The following CSMD3 variants were observed in gnomAD, a reference collection of about 807,000 sequenced individuals.
CSMD3 encodes the protein CUB and Sushi multiple domains 3.
In CSMD3, 177 loss-of-function variants were observed where a neutral mutation model predicts 435.2. The ratio of observed to expected loss-of-function variants is 0.41; its 90% CI spans 0.36 to 0.46. The LOEUF (loss-of-function observed/expected upper bound fraction) is 0.46. CSMD3 is among the 20% of genes least tolerant of loss of function. CSMD3 has a pLI of 0.34. For synonymous variants in CSMD3, 1,656 were observed against 1,520.5 expected, an observed-to-expected ratio of 1.09 and a Z score of -2.07; for missense variants, 4,265 against 4,504.6, an observed-to-expected ratio of 0.95 and a Z score of 1.52.
At chr8:113,144,183 A>T (rs2091617313) in intron 4 of CSMD3, among the ~76,000 whole-genome samples, 1 of 151,244 alleles carries the variant, frequency 6.6e-6, no homozygotes, top group South Asian at 2.1e-4. Flanking sequence ...ACATTTTTGT[A>T]TATTATGAGA....
chr8:113,297,445 A>G (rs2093731085), intron 2 of CSMD3, among the ~76,000 whole-genome samples: 1 of 149,668 alleles, frequency 6.7e-6, no homozygotes, highest in Non-Finnish European at 1.5e-5. Context: ...AATATGAAAA[A>G]TTTACCTAAC....
intron 13 of CSMD3, among the ~76,000 whole-genome samples, chr8:112,778,000 A>C (rs1428967924): frequency 6.6e-6 from 1 of 151,922 alleles, no homozygotes; most frequent in Non-Finnish European, 1.5e-5. Context: ...ACATTTTATA[A>C]ATATTTGTGG....
rs184418365 is a variant in CSMD3, at chr8:113,064,002, T to C, written c.917+34754A>G. On this transcript the variant is annotated intron_variant, in intron 5 of 70. Transcript: ENST00000297405. The stretch of plus-strand genomic sequence containing the variant: ...AATGAATTTTAGGAAAACCTTTTAG[T>C]ATATTAATAATAGTCCTTTAATAAT... Among the ~76,000 whole-genome samples the C allele has an allele frequency of 9.1e-4, 138 of 151,668 alleles. 1 individual carries two copies. Among genetic ancestry groups the C allele is most frequent in the Non-Finnish European group, 4.0e-4 (27 of 67,736 alleles).
chr8:112,605,118 G>A (rs1365831279), intron 22 of CSMD3, among the ~76,000 whole-genome samples: 2 of 152,006 alleles, frequency 1.3e-5, no homozygotes, highest in African/African-American at 4.8e-5. Flanking sequence ...ATTAATAAAA[G>A]TCAAAAAATA....
chr8:113,018,118 T>TG (rs1765013559), intron 6 of CSMD3, among the ~76,000 whole-genome samples: 1 of 152,114 alleles, frequency 6.6e-6, no homozygotes, highest in African/African-American at 2.4e-5. Flanking sequence ...CTCAGTGCAC[T>TG]ATTACGAAAG....
At chr8:112,972,940 T>G (rs1427502862) in intron 7 of CSMD3, among the ~76,000 whole-genome samples, 1 of 151,932 alleles carries the variant, frequency 6.6e-6, no homozygotes, top group Non-Finnish European at 1.5e-5. Flanking sequence ...AGCTAAATCT[T>G]GGAAATTAGA....
intron 32 of CSMD3, among the ~76,000 whole-genome samples, chr8:112,444,169 A>T (rs1012485121): frequency 6.6e-6 from 1 of 152,218 alleles, no homozygotes; most frequent in Non-Finnish European, 1.5e-5. Flanking sequence ...GACAGGTAAC[A>T]TCTGGTTTAC....
chr8:113,404,417 A>G (rs2094523562), intron 1 of CSMD3, among the ~76,000 whole-genome samples: 1 of 151,368 alleles, frequency 6.6e-6, no homozygotes, highest in African/African-American at 2.4e-5. Flanking sequence ...TTACAAGAGA[A>G]TTCGACTTTA....
At chr8:112,833,437 T>C (rs992390687) in intron 11 of CSMD3, among the ~76,000 whole-genome samples, 1 of 152,098 alleles carries the variant, frequency 6.6e-6, no homozygotes, top group Non-Finnish European at 1.5e-5. Context: ...ATTTATTTTT[T>C]GTTTATTGAT....
intron 32 of CSMD3, among the ~76,000 whole-genome samples, chr8:112,449,021 C>T (rs533828672): frequency 7.2e-5 from 11 of 152,172 alleles, no homozygotes; most frequent in African/African-American, 2.4e-4. Flanking sequence ...TATATTTCTT[C>T]AATTAAAGGG....
At chr8:112,348,827 A>G (rs1340387262) in intron 40 of CSMD3, among the ~76,000 whole-genome samples, 1 of 152,138 alleles carries the variant, frequency 6.6e-6, no homozygotes, top group African/African-American at 2.4e-5. Flanking sequence ...TCTACTAAAA[A>G]AGTAATTTTT....
intron 24 of CSMD3, among the ~76,000 whole-genome samples, chr8:112,572,800 A>G (rs937852070): frequency 2.6e-5 from 4 of 152,118 alleles, no homozygotes; most frequent in Admixed American, 1.3e-4. Flanking sequence ...ACGGAGTAGA[A>G]AATCAAGAAA....
At chr8:112,424,938 C>T (rs1283087265) in intron 32 of CSMD3, among the ~76,000 whole-genome samples, 2 of 152,200 alleles carry the variant, frequency 1.3e-5, no homozygotes, top group Non-Finnish European at 2.9e-5. Flanking sequence ...GGTCTGCCCA[C>T]CTCAGCCTCT....
intron 1 of CSMD3, among the ~76,000 whole-genome samples, chr8:113,356,304 G>A (rs1471628960): frequency 6.6e-6 from 1 of 151,994 alleles, no homozygotes; most frequent in African/African-American, 2.4e-5. Flanking sequence ...CCACAGAGGA[G>A]GAAAAAAATT....
chr8:113,194,225 G>C (rs549381438), intron 3 of CSMD3, among the ~76,000 whole-genome samples: 1 of 151,268 alleles, frequency 6.6e-6, no homozygotes, highest in South Asian at 2.1e-4. Context: ...TGTAATTATA[G>C]ACAAAACTAC....
chr8:112,949,538 T>C (rs1349774803), intron 8 of CSMD3, among the ~76,000 whole-genome samples: 1 of 152,086 alleles, frequency 6.6e-6, no homozygotes, highest in Non-Finnish European at 1.5e-5. Context: ...TAATGACTTC[T>C]AATTCTTTTG....
At chr8:112,978,565 C>T (rs1187150591) in intron 6 of CSMD3, among the ~76,000 whole-genome samples, 1 of 151,948 alleles carries the variant, frequency 6.6e-6, no homozygotes, top group Non-Finnish European at 1.5e-5. Context: ...AGCATAAGAG[C>T]TATACTTCCC....
At chr8:112,333,364 G>T (rs577798775) in intron 45 of CSMD3, among the ~76,000 whole-genome samples, 1 of 151,848 alleles carries the variant, frequency 6.6e-6, no homozygotes, top group African/African-American at 2.4e-5. Context: ...ACGGGGTTTC[G>T]CCATGTGGGT....
chr8:113,195,816 C>T (rs199555243), intron 3 of CSMD3, among the ~76,000 whole-genome samples: 2,685 of 71,818 alleles, frequency 0.037, 29 homozygotes, highest in African/African-American at 0.082. Flanking sequence ...TATATATATA[C>T]ACACACACAC....
Sources: allele counts gnomAD v4.1 joint callset (sites outside exome capture counted in the v4.1 genomes callset), GRCh38; gene constraint gnomAD v4.1.1; transcripts MANE v1.5; gene names NCBI Gene and HGNC (gene_info 2026-07-23, HGNC 2026-07-21).